The following ANO4 variants were observed in gnomAD, a reference collection of about 807,000 sequenced individuals.
The protein encoded by ANO4 is anoctamin-4.
In ANO4, 69 loss-of-function variants were observed where a neutral mutation model predicts 141.9. That is an observed-to-expected ratio of 0.49 (90% CI 0.40 to 0.59). ANO4 has a LOEUF of 0.59. ANO4 is among the 20% of genes least tolerant of loss of function. The pLI, the probability that ANO4 is intolerant of heterozygous loss-of-function variation, is 0.00. For missense variants in ANO4, 894 were observed against 1,162.2 expected (o/e 0.77, Z 3.36); for synonymous variants, 350 against 394.3 (o/e 0.89, Z 1.33).
intron 1 of ANO4, among the ~76,000 whole-genome samples, chr12:100,880,013 A>G (rs2039493348): frequency 6.6e-6 from 1 of 152,172 alleles, no homozygotes; most frequent in Admixed American, 6.5e-5. Flanking sequence ...GTTTGAGGGT[A>G]TTAGAACACA....
chr12:100,849,983 A>G (rs900536209), intron 1 of ANO4, among the ~76,000 whole-genome samples: 1 of 152,114 alleles, frequency 6.6e-6, no homozygotes, highest in Admixed American at 6.5e-5. Flanking sequence ...GTATTCTGTA[A>G]TGTGTACATT....
intron 26 of ANO4, among the ~76,000 whole-genome samples, chr12:101,123,848 T>C (rs950716755): frequency 1.3e-5 from 2 of 152,196 alleles, no homozygotes; most frequent in African/African-American, 4.8e-5. Flanking sequence ...CTGACTGGTA[T>C]GAGATAATAT....
chr12:101,015,606 T>A lies in ANO4; in HGVS notation c.735-4428T>A, dbSNP rs1368878084. 2.0e-5 allele frequency among the ~76,000 whole-genome samples: 3 copies of A among 152,360 alleles called. No individual in the cohort carries two copies. The East Asian group carries it at 5.8e-4, about 29-fold the overall frequency. ...CTGTCACTTTGCACACGGGTAAGTA[T>A]ATTTGTAGAATACATTTCTAAAAAA... On this transcript the variant is annotated intron_variant, in intron 8 of 27. Coordinates refer to ENST00000392977, the MANE Select transcript of ANO4 (RefSeq NM_001286615.2).
chr12:100,749,027 A>C (rs1212598548), intron 3 of ANO4, among the ~76,000 whole-genome samples: 2 of 152,136 alleles, frequency 1.3e-5, no homozygotes, highest in African/African-American at 2.4e-5. Flanking sequence ...TGGTTTCCTA[A>C]GATGCTGGCT....
chr12:100,778,076 T>A (rs907575005), intron 3 of ANO4, among the ~76,000 whole-genome samples: 2 of 151,948 alleles, frequency 1.3e-5, no homozygotes, highest in Non-Finnish European at 2.9e-5. Flanking sequence ...CCCGCCACCA[T>A]GCCCGGCTAA....
intron 1 of ANO4, among the ~76,000 whole-genome samples, chr12:100,796,175 G>T (rs1336032597): frequency 6.6e-6 from 1 of 151,902 alleles, no homozygotes; most frequent in African/African-American, 2.4e-5. Context: ...TATTTGTGTA[G>T]GTTTTTCCAT....
chr12:100,906,160 G>A (rs1185131983), intron 2 of ANO4, among the ~76,000 whole-genome samples: 2 of 152,180 alleles, frequency 1.3e-5, no homozygotes, highest in Non-Finnish European at 2.9e-5. Context: ...ACAGTTGGTG[G>A]TGAGTTGGAT....
At chr12:100,753,670 A>G (rs2032483422) in intron 3 of ANO4, among the ~76,000 whole-genome samples, 1 of 151,946 alleles carries the variant, frequency 6.6e-6, no homozygotes, top group African/African-American at 2.4e-5. Flanking sequence ...TTTTTCTCCC[A>G]TTTTTCAGTT....
intron 26 of ANO4, among the ~76,000 whole-genome samples, 200 bp downstream of exon 26, chr12:101,120,825 A>T (rs921153511): frequency 8.5e-5 from 13 of 152,278 alleles, no homozygotes; most frequent in South Asian, 8.3e-4. Context: ...GAAAGTCCAT[A>T]GTTGGTTTTT....
At chr12:101,120,646 T>G (rs1593320473) in intron 26 of ANO4, 21 bp downstream of exon 26, 1 of 1,587,842 alleles carries the variant, frequency 6.3e-7, no homozygotes, top group East Asian at 2.2e-5. Flanking sequence ...TCAGCCAAAT[T>G]CTTTATTTCC....
At chr12:100,978,074 T>C (rs1317031178) in intron 7 of ANO4, among the ~76,000 whole-genome samples, 1 of 152,226 alleles carries the variant, frequency 6.6e-6, no homozygotes, top group Non-Finnish European at 1.5e-5. Flanking sequence ...TGCTTTTCCA[T>C]TAGAATCCTA....
At chr12:100,859,016 C>T (rs879505537) in intron 1 of ANO4, 6 of 151,990 alleles carry the variant, frequency 3.9e-5, no homozygotes, top group Non-Finnish European at 7.4e-5. Flanking sequence ...AGTCTCAGGG[C>T]AAAAAAGTAA....
At chr12:100,735,457 G>A (rs1344686733) in intron 2 of ANO4, among the ~76,000 whole-genome samples, 1 of 152,120 alleles carries the variant, frequency 6.6e-6, no homozygotes, top group African/African-American at 2.4e-5. Flanking sequence ...AGGACATTTA[G>A]GGTTCACAGT....
intron 14 of ANO4, chr12:101,068,482 T>G (rs528499801): frequency 3.1e-6 from 3 of 979,186 alleles, no homozygotes; most frequent in Non-Finnish European, 5.0e-6. Context: ...CTTCTCACCC[T>G]GTTCTCAGTA....
intron 1 of ANO4, among the ~76,000 whole-genome samples, chr12:100,894,607 G>A (rs571942684): frequency 3.3e-5 from 5 of 152,064 alleles, no homozygotes; most frequent in African/African-American, 1.2e-4. Flanking sequence ...GTATACCTAC[G>A]TGTTTGAGCT....
At chr12:101,113,981 T>C (rs908241688) in intron 24 of ANO4, among the ~76,000 whole-genome samples, 2 of 152,210 alleles carry the variant, frequency 1.3e-5, no homozygotes, top group Non-Finnish European at 2.9e-5. Flanking sequence ...GACTTTATAT[T>C]CACAGGAAAC....
At chr12:100,960,241 C>T (rs1022280863) in intron 5 of ANO4, among the ~76,000 whole-genome samples, 1 of 149,588 alleles carries the variant, frequency 6.7e-6, no homozygotes, top group African/African-American at 2.5e-5. Flanking sequence ...TATACATGTA[C>T]ATACATATTC....
intron 3 of ANO4, among the ~76,000 whole-genome samples, chr12:100,744,489 G>A (rs1039472326): frequency 1.4e-4 from 22 of 152,038 alleles, no homozygotes; most frequent in African/African-American, 5.1e-4. Context: ...TATTATAAGG[G>A]CACTAATCCC....
Position 100,819,782 on chromosome 12 carries a change from C to A in ANO4, c.-141+24755C>A, listed in dbSNP as rs184697912. Among the ~76,000 whole-genome samples, 6 of 151,748 alleles carry A rather than the reference C, an allele frequency of 4.0e-5. No individual in the cohort carries two copies. The South Asian group carries it at 6.3e-4, about 16-fold the overall frequency. The stretch of plus-strand genomic sequence containing the variant: ...TTTAAAAAACTGTGATGAAAGCATG[C>A]GAGACTTGAGATGGCTGTAGAAGGA... On this transcript the variant is annotated intron_variant, in intron 1 of 27. Coordinates refer to ENST00000392977, the MANE Select transcript of ANO4 (RefSeq NM_001286615.2).
Sources: gnomAD v4.1 joint callset for allele counts (sites outside exome capture counted in the v4.1 genomes callset) on GRCh38, gnomAD v4.1.1 for gene constraint, MANE v1.5 for transcripts, NCBI Gene and HGNC (gene_info 2026-07-23, HGNC 2026-07-21) for gene names.